PSMB7: variants seen among roughly 807,000 people sequenced by gnomAD.
PSMB7 encodes the protein proteasome 20S subunit beta 7, also known as proteasome subunit beta type-7.
A neutral mutation model predicts 28.1 loss-of-function variants in PSMB7; 5 were observed. The ratio of observed to expected loss-of-function variants is 0.18; its 90% confidence interval spans 0.09 to 0.37. PSMB7 has a LOEUF of 0.37. Ranked by LOEUF, PSMB7 falls within the 10% of genes least tolerant of loss-of-function variation. The pLI, the probability that PSMB7 is intolerant of heterozygous loss-of-function variation, is 1.00. For synonymous variants in PSMB7, 122 were observed against 123.7 expected, an observed-to-expected ratio of 0.99 and a Z score of 0.09; for missense variants, 275 against 346.2, an observed-to-expected ratio of 0.79 and a Z score of 1.63.
chr9:124,398,749 A>C (rs1296659308), intron 5 of PSMB7, among the ~76,000 whole-genome samples: 2 of 152,180 alleles, frequency 1.3e-5, no homozygotes, highest in Non-Finnish European at 2.9e-5. Context: ...TGATAAAATC[A>C]CAGCAGCTGT....
At chr9:124,376,748 A>T (rs190380974) in intron 6 of PSMB7, among the ~76,000 whole-genome samples, 91 of 152,372 alleles carry the variant, frequency 6.0e-4, no homozygotes, top group Non-Finnish European at 9.8e-4. Context: ...AAAGAGGCAG[A>T]TATAGCCCAG....
chr9:124,404,715 T>C (rs1830945962), intron 5 of PSMB7, among the ~76,000 whole-genome samples: 1 of 152,090 alleles, frequency 6.6e-6, no homozygotes, highest in African/African-American at 2.4e-5. Flanking sequence ...TAGCCGGGCA[T>C]GGTGGCGTGT....
intron 6 of PSMB7, among the ~76,000 whole-genome samples, chr9:124,358,788 T>C (rs1830439072): frequency 6.6e-6 from 1 of 152,240 alleles, no homozygotes; most frequent in Non-Finnish European, 1.5e-5. Context: ...CTGTCTCCTC[T>C]GCTTTGTTTC....
At chr9:124,372,652 T>G (rs1830574308) in intron 6 of PSMB7, among the ~76,000 whole-genome samples, 1 of 152,108 alleles carries the variant, frequency 6.6e-6, no homozygotes, top group African/African-American at 2.4e-5. Context: ...CTTCAACCCT[T>G]CCCCAAAATA....
At chr9:124,377,392 A>C (rs986430483) in intron 6 of PSMB7, among the ~76,000 whole-genome samples, 2 of 152,214 alleles carry the variant, frequency 1.3e-5, no homozygotes, top group African/African-American at 4.8e-5. Context: ...CAAATAGCAC[A>C]ATTTTTTAAT....
At chr9:124,379,649 G>T (rs1047280569) in intron 6 of PSMB7, among the ~76,000 whole-genome samples, 4 of 152,160 alleles carry the variant, frequency 2.6e-5, no homozygotes, top group Non-Finnish European at 5.9e-5. Context: ...TCCCAGCTGG[G>T]TTTCACTCTT....
intron 4 of PSMB7, among the ~76,000 whole-genome samples, chr9:124,410,603 G>C (rs187608122): frequency 5.6e-4 from 85 of 152,312 alleles, no homozygotes; most frequent in Admixed American, 1.1e-3. Context: ...TGTACTGGGA[G>C]AATTTGGTTG....
rs1371190495 is a variant in PSMB7 at position 124,353,522 on chromosome 9, T to C, written c.*76A>G. ...GAGTTGAGTTTCATTCGGCAAACACTAGCCACATGAGTGTCTTACTGGGCC... is the reference window on the plus strand; with the variant it reads ...GAGTTGAGTTTCATTCGGCAAACACCAGCCACATGAGTGTCTTACTGGGCC... On this transcript the variant is annotated 3_prime_UTR_variant, in exon 8 of 8. Transcript: ENST00000259457. The C allele has an allele frequency of 1.8e-6, 2 of 1,086,572 alleles. No homozygotes were observed. The highest frequency in any genetic ancestry group is 2.4e-5 in the East Asian group (1 of 42,292). The allele number at this position is 1,086,572 out of a possible 1,614,324, so 67.3% of individuals were successfully genotyped here. A position where few individuals can be genotyped will look rare whatever the true frequency, so the allele number is the denominator to read the frequency against.
intron 6 of PSMB7, among the ~76,000 whole-genome samples, chr9:124,376,113 A>G (rs911807306): frequency 6.6e-6 from 1 of 151,918 alleles, no homozygotes; most frequent in Non-Finnish European, 1.5e-5. Flanking sequence ...GTTGGGAAAA[A>G]AAGAGCACCT....
chr9:124,411,251 C>A (rs1324519734), intron 4 of PSMB7, among the ~76,000 whole-genome samples: 1 of 152,176 alleles, frequency 6.6e-6, no homozygotes, highest in Non-Finnish European at 1.5e-5. Context: ...GGATTACAGG[C>A]GTGTGCCACC....
At chr9:124,370,176 G>A (rs1830546761) in intron 6 of PSMB7, among the ~76,000 whole-genome samples, 1 of 151,552 alleles carries the variant, frequency 6.6e-6, no homozygotes, top group Non-Finnish European at 1.5e-5. Flanking sequence ...ATTACACTCT[G>A]CCTTTGCCAG....
intron 5 of PSMB7, chr9:124,398,551 A>G: frequency 4.0e-6 from 1 of 247,042 alleles, no homozygotes; most frequent in East Asian, 1.6e-4. Flanking sequence ...ATGCATATAT[A>G]TAGTTTAATT....
chr9:124,359,877 A>G (rs1203955737), intron 6 of PSMB7, among the ~76,000 whole-genome samples: 5 of 152,200 alleles, frequency 3.3e-5, no homozygotes, highest in African/African-American at 1.2e-4. Context: ...ATGCAACACC[A>G]GATCAATATT....
intron 5 of PSMB7, among the ~76,000 whole-genome samples, chr9:124,389,744 G>C (rs1359676756): frequency 6.6e-6 from 1 of 152,146 alleles, no homozygotes; most frequent in Non-Finnish European, 1.5e-5. Flanking sequence ...GTGGAGTCCT[G>C]GAAAGAGCAC....
At chr9:124,388,057 T>C (rs138612257) in intron 5 of PSMB7, among the ~76,000 whole-genome samples, 1 of 152,334 alleles carries the variant, frequency 6.6e-6, no homozygotes, top group African/African-American at 2.4e-5. Flanking sequence ...ATATATTACA[T>C]CCTCTTTTCC....
chr9:124,392,730 T>C (rs1346091313), intron 5 of PSMB7, among the ~76,000 whole-genome samples: 2 of 152,190 alleles, frequency 1.3e-5, no homozygotes, highest in Non-Finnish European at 2.9e-5. Context: ...AATTTCTTTC[T>C]CAAAGTCATG....
intron 5 of PSMB7, among the ~76,000 whole-genome samples, chr9:124,396,518 G>A (rs982039301): frequency 2.0e-5 from 3 of 152,178 alleles, no homozygotes; most frequent in African/African-American, 7.2e-5. Flanking sequence ...CTTAGTAGGT[G>A]CATTCCAGTA....
chr9:124,410,361 T>TAA (rs1831016848), intron 4 of PSMB7, among the ~76,000 whole-genome samples: 1 of 152,196 alleles, frequency 6.6e-6, no homozygotes, highest in South Asian at 2.1e-4. Context: ...TTTTTGCTAA[T>TAA]TGTTTTAAAT....
intron 6 of PSMB7, among the ~76,000 whole-genome samples, chr9:124,358,888 T>C (rs1342201949): frequency 1.3e-5 from 2 of 152,234 alleles, no homozygotes; most frequent in Non-Finnish European, 2.9e-5. Context: ...CACATTTACA[T>C]TTCCCAAATG....
Sources: allele counts gnomAD v4.1 joint callset (sites outside exome capture counted in the v4.1 genomes callset), GRCh38; gene constraint gnomAD v4.1.1; transcripts MANE v1.5; gene names NCBI Gene and HGNC (gene_info 2026-07-23, HGNC 2026-07-21).